Variants in DPP10 observed in about 807,000 individuals in gnomAD.
The protein encoded by DPP10 is inactive dipeptidyl peptidase 10.
Under a neutral mutation model 120.9 loss-of-function variants are expected in DPP10, and 33 were observed. The ratio of observed to expected loss-of-function variants is 0.27; its 90% CI spans 0.21 to 0.37. The LOEUF (loss-of-function observed/expected upper bound fraction) is 0.37, where lower values mean the gene tolerates loss of function less well. Among genes scored for constraint, DPP10 ranks in the 10% least tolerant of loss-of-function variants. The pLI is 1.00. For synonymous variants in DPP10, 337 were observed against 326.1 expected, an observed-to-expected ratio of 1.03 and a Z score of -0.36; for missense variants, 816 against 942.8, an observed-to-expected ratio of 0.87 and a Z score of 1.76.
chr2:114,626,648 C>T (rs1401841575), intron 1 of DPP10, among the ~76,000 whole-genome samples: 1 of 151,996 alleles, frequency 6.6e-6, no homozygotes, highest in East Asian at 1.9e-4. Flanking sequence ...AGTTGGCTGG[C>T]ACCAAGCACC....
At chr2:115,387,240 G>A (rs958380985) in intron 3 of DPP10, among the ~76,000 whole-genome samples, 11 of 152,160 alleles carry the variant, frequency 7.2e-5, no homozygotes, top group Admixed American at 6.5e-4. Context: ...AATGGAGATG[G>A]GGGTGAGGGG....
chr2:114,682,758 A>G lies in DPP10; in HGVS notation c.60+239920A>G, dbSNP rs540724281. On this transcript the variant is annotated intron_variant, in intron 1 of 25. Transcript: ENST00000410059. ...GGTAAGATTTTATATCTATCTATCT[A>G]TCTATCTGTCTGTCTATCTATCTAT... 1.1e-3 allele frequency among the ~76,000 whole-genome samples: 165 copies of G among 144,102 alleles called. 1 individual carries two copies. Among genetic ancestry groups the G allele is most frequent in the African/African-American group, 3.7e-3 (137 of 37,036 alleles). 94.5% of individuals were successfully genotyped at this position (144,102 alleles called of 152,430 possible).
At chr2:115,805,362 T>G (rs62156337) in intron 19 of DPP10, among the ~76,000 whole-genome samples, 6,252 of 152,242 alleles carry the variant, frequency 0.041, 193 homozygotes, top group Middle Eastern at 0.088. Flanking sequence ...GGGAATTCCC[T>G]GACCCCTTGC....
intron 1 of DPP10, among the ~76,000 whole-genome samples, chr2:114,970,779 G>A (rs1699340257): frequency 6.6e-6 from 1 of 152,034 alleles, no homozygotes; most frequent in Non-Finnish European, 1.5e-5. Flanking sequence ...CAAGATTATT[G>A]ATCTCCAGGA....
At chr2:115,504,275 CT>C (rs5833604) in intron 4 of DPP10, among the ~76,000 whole-genome samples, 13 of 131,572 alleles carry the variant, frequency 9.9e-5, no homozygotes, top group South Asian at 4.8e-4. Flanking sequence ...CTATTGCCAA[CT>C]TTTTTTTTTT....
chr2:114,855,136 G>A (rs532504103), intron 1 of DPP10, among the ~76,000 whole-genome samples: 1 of 152,132 alleles, frequency 6.6e-6, no homozygotes, highest in African/African-American at 2.4e-5. Flanking sequence ...GGGAAGGGAA[G>A]GAAAAGAGAG....
intron 1 of DPP10, among the ~76,000 whole-genome samples, chr2:114,948,539 T>C (rs1011691230): frequency 1.3e-5 from 2 of 152,180 alleles, no homozygotes; most frequent in African/African-American, 2.4e-5. Flanking sequence ...CTTATTTTTT[T>C]CCCTTTTTAT....
At chr2:115,033,980 C>A (rs556282713) in intron 1 of DPP10, among the ~76,000 whole-genome samples, 26 of 147,476 alleles carry the variant, frequency 1.8e-4, no homozygotes, top group African/African-American at 6.5e-4. Context: ...TTACTGAAAC[C>A]TCTGTCTCCC....
chr2:114,710,689 C>T (rs1700970029), intron 1 of DPP10, among the ~76,000 whole-genome samples: 1 of 152,068 alleles, frequency 6.6e-6, no homozygotes, highest in Non-Finnish European at 1.5e-5. Context: ...AGGTTGCAGA[C>T]AGTTGAGATC....
At chr2:114,750,264 A>G (rs1038943772) in intron 1 of DPP10, among the ~76,000 whole-genome samples, 7 of 152,022 alleles carry the variant, frequency 4.6e-5, no homozygotes, top group Admixed American at 3.3e-4. Context: ...TAAAAAAAAA[A>G]TAAGATAAAA....
At chr2:115,223,821 C>T (rs1320275566) in intron 1 of DPP10, among the ~76,000 whole-genome samples, 4 of 152,082 alleles carry the variant, frequency 2.6e-5, no homozygotes, top group Non-Finnish European at 5.9e-5. Context: ...GAATGTTTAT[C>T]ACATCAGTAC....
At chr2:115,629,046 A>G (rs1052144926) in intron 5 of DPP10, among the ~76,000 whole-genome samples, 8 of 151,950 alleles carry the variant, frequency 5.3e-5, no homozygotes, top group African/African-American at 1.9e-4. Flanking sequence ...ATTCCCACCT[A>G]TGAGTGAGAA....
At chr2:115,315,194 T>TAA (rs11399916) in intron 2 of DPP10, among the ~76,000 whole-genome samples, 56 of 149,282 alleles carry the variant, frequency 3.8e-4, no homozygotes, top group South Asian at 2.1e-3. Context: ...GACAACAGAT[T>TAA]AAAAAAAAAA....
At chr2:114,799,428 G>T (rs1489264054) in intron 1 of DPP10, among the ~76,000 whole-genome samples, 1 of 152,142 alleles carries the variant, frequency 6.6e-6, no homozygotes, top group East Asian at 1.9e-4. Flanking sequence ...ACCACCAGGT[G>T]TACAGTATTT....
rs193124123 is a variant in DPP10, at chr2:115,802,269, C to T, written c.1700+10913C>T. 6.1e-3 allele frequency among the ~76,000 whole-genome samples: 933 copies of T among 152,208 alleles called. 6 individuals carry two copies. The highest frequency in any genetic ancestry group is 0.014 in the Middle Eastern group (4 of 294). ...ACGGTAGTTTGTATTTCTGTGGGAT[C>T]AGTGGTGATATCCCCTTTGTCATTT... is the stretch of plus-strand genomic sequence containing the variant. On this transcript the variant is annotated intron_variant, in intron 19 of 25. Coordinates refer to ENST00000410059, the MANE Select transcript of DPP10 (RefSeq NM_020868.6).
chr2:115,142,808 C>T (rs1020578547), intron 1 of DPP10, among the ~76,000 whole-genome samples: 2 of 152,130 alleles, frequency 1.3e-5, no homozygotes, highest in Admixed American at 1.3e-4. Context: ...CCTTAAGGAT[C>T]CCTGGTCTAC....
chr2:114,635,234 A>G (rs1695223089), intron 1 of DPP10, among the ~76,000 whole-genome samples: 1 of 151,850 alleles, frequency 6.6e-6, no homozygotes, highest in Admixed American at 6.6e-5. Flanking sequence ...CAGAGGTTGA[A>G]TTTAATTTGT....
At chr2:115,792,160 T>G (rs74940743) in intron 19 of DPP10, among the ~76,000 whole-genome samples, 5,976 of 152,196 alleles carry the variant, frequency 0.039, 389 homozygotes, top group African/African-American at 0.14. Context: ...TATTCTAGTT[T>G]TGCTATTTAT....
chr2:115,737,972 A>G (rs1193577626), intron 8 of DPP10, among the ~76,000 whole-genome samples: 1 of 152,174 alleles, frequency 6.6e-6, no homozygotes, highest in Non-Finnish European at 1.5e-5. Flanking sequence ...CAGCAAGAAG[A>G]TTTGTCAGAA....
Sources: allele counts gnomAD v4.1 joint callset (sites outside exome capture counted in the v4.1 genomes callset), GRCh38; gene constraint gnomAD v4.1.1; transcripts MANE v1.5; gene names NCBI Gene and HGNC (gene_info 2026-07-23, HGNC 2026-07-21).